CCDC91: variants seen among roughly 807,000 people sequenced by gnomAD.
CCDC91 encodes coiled-coil domain-containing protein 91.
A neutral mutation model predicts 63.2 loss-of-function variants in CCDC91; 48 were observed. That is an observed-to-expected ratio of 0.76 (90% CI 0.60 to 0.97). CCDC91 has a LOEUF of 0.97. CCDC91 is among the 50% of genes least tolerant of loss of function. CCDC91 has a pLI of 0.00. For synonymous variants in CCDC91, 167 were observed against 165.8 expected, an observed-to-expected ratio of 1.01 and a Z score of -0.06; for missense variants, 500 against 494.6, an observed-to-expected ratio of 1.01 and a Z score of -0.10.
chr12:28,268,449 C>T (rs1231572911), intron 3 of CCDC91, among the ~76,000 whole-genome samples: 1 of 152,056 alleles, frequency 6.6e-6, no homozygotes, highest in Non-Finnish European at 1.5e-5. Flanking sequence ...AATCTCATGA[C>T]CATCTGTACT....
chr12:28,248,408 G>T (rs957918548), intron 1 of CCDC91, among the ~76,000 whole-genome samples: 2 of 152,184 alleles, frequency 1.3e-5, no homozygotes, highest in Non-Finnish European at 2.9e-5. Context: ...ATGTGAATGA[G>T]ATAGTCCAGG....
chr12:28,411,897 T>A (rs1332695412), intron 8 of CCDC91, among the ~76,000 whole-genome samples: 1 of 152,104 alleles, frequency 6.6e-6, no homozygotes, highest in Admixed American at 6.5e-5. Flanking sequence ...GAAGAAGGCA[T>A]CACACCATTC....
At chr12:28,222,291 G>A (rs1943998394) in intron 1 of CCDC91, among the ~76,000 whole-genome samples, 1 of 150,648 alleles carries the variant, frequency 6.6e-6, no homozygotes, top group Non-Finnish European at 1.5e-5. Flanking sequence ...AACCACAGGG[G>A]TGGCGGTGGT....
At chr12:28,402,252 G>A (rs1025093607) in intron 8 of CCDC91, among the ~76,000 whole-genome samples, 2 of 152,118 alleles carry the variant, frequency 1.3e-5, no homozygotes, top group African/African-American at 4.8e-5. Flanking sequence ...ACAATATTGA[G>A]TTTTCTTATC....
intron 6 of CCDC91, among the ~76,000 whole-genome samples, chr12:28,309,555 C>T (rs1178288555): frequency 2.0e-5 from 3 of 151,962 alleles, no homozygotes; most frequent in Non-Finnish European, 4.4e-5. Flanking sequence ...TAACCAGTTT[C>T]GTCTCTAACC....
At chr12:28,476,196 A>T (rs1951079160) in intron 11 of CCDC91, among the ~76,000 whole-genome samples, 1 of 152,062 alleles carries the variant, frequency 6.6e-6, no homozygotes, top group South Asian at 2.1e-4. Flanking sequence ...CACTGCACTT[A>T]CTCCAAAATT....
chr12:28,315,885 T>A (rs1939810364), intron 6 of CCDC91, among the ~76,000 whole-genome samples: 1 of 151,876 alleles, frequency 6.6e-6, no homozygotes, highest in Non-Finnish European at 1.5e-5. Flanking sequence ...TCTCCTTCCT[T>A]CTGTCTCATT....
chr12:28,519,638 TATACATGTGCC>T (rs1940369431), intron 12 of CCDC91, among the ~76,000 whole-genome samples: 1 of 151,960 alleles, frequency 6.6e-6, no homozygotes, highest in Admixed American at 6.6e-5. Flanking sequence ...GTTACATATG[TATACATGTGCC>T]ATGTTGGTGT....
At chr12:28,259,470 T>C in intron 3 of CCDC91, 28 bp downstream of exon 3, 1 of 1,421,956 alleles carries the variant, frequency 7.0e-7, no homozygotes. Flanking sequence ...TTAGGGTTTT[T>C]TTTTTTTTTT....
intron 1 of CCDC91, among the ~76,000 whole-genome samples, chr12:28,240,588 A>C (rs1450682189): frequency 1.3e-5 from 2 of 152,128 alleles, no homozygotes; most frequent in African/African-American, 2.4e-5. Context: ...ACACGTTTAA[A>C]GTTTTTTTTA....
intron 12 of CCDC91, among the ~76,000 whole-genome samples, chr12:28,541,858 T>C (rs1011389564): frequency 6.6e-6 from 1 of 152,108 alleles, no homozygotes; most frequent in Admixed American, 6.6e-5. Flanking sequence ...TTATTTACCA[T>C]TGAACTCTAT....
intron 12 of CCDC91, among the ~76,000 whole-genome samples, chr12:28,521,846 A>G (rs1456845837): frequency 6.6e-6 from 1 of 151,924 alleles, no homozygotes; most frequent in Non-Finnish European, 1.5e-5. Flanking sequence ...GGTTTTTGTC[A>G]TTGGTTCTGT....
intron 12 of CCDC91, among the ~76,000 whole-genome samples, chr12:28,536,694 A>T (rs1196820816): frequency 6.6e-6 from 1 of 152,162 alleles, no homozygotes; most frequent in Non-Finnish European, 1.5e-5. Context: ...ACTGCTTGGG[A>T]TATAAGAAGT....
intron 8 of CCDC91, among the ~76,000 whole-genome samples, chr12:28,409,336 G>A (rs1947169240): frequency 6.6e-6 from 1 of 151,950 alleles, no homozygotes; most frequent in Non-Finnish European, 1.5e-5. Context: ...TTTGTGTTAA[G>A]TATAAGTGTG....
chr12:28,280,436 A>G (rs551056264), intron 3 of CCDC91, among the ~76,000 whole-genome samples: 1 of 152,222 alleles, frequency 6.6e-6, no homozygotes, highest in South Asian at 2.1e-4. Flanking sequence ...CTGCATTTAC[A>G]ACATGACACT....
intron 3 of CCDC91, among the ~76,000 whole-genome samples, chr12:28,279,780 T>C (rs1481366917): frequency 6.6e-6 from 1 of 152,056 alleles, no homozygotes; most frequent in African/African-American, 2.4e-5. Flanking sequence ...GAATATTACA[T>C]GAAAAAATGC....
At chr12:28,246,283 AG>A (rs1565666104) in intron 1 of CCDC91, among the ~76,000 whole-genome samples, 1 of 152,158 alleles carries the variant, frequency 6.6e-6, no homozygotes, top group Non-Finnish European at 1.5e-5. Flanking sequence ...AGTCCAGATA[AG>A]CACAGGGAAG....
intron 12 of CCDC91, among the ~76,000 whole-genome samples, chr12:28,517,999 G>A (rs371767927): frequency 4.6e-5 from 7 of 152,016 alleles, no homozygotes; most frequent in East Asian, 3.9e-4. Flanking sequence ...GTATTCTATC[G>A]TGTATGTAGA....
intron 3 of CCDC91, among the ~76,000 whole-genome samples, chr12:28,288,960 T>C (rs138461516): frequency 6.6e-6 from 1 of 152,340 alleles, no homozygotes; most frequent in East Asian, 1.9e-4. Context: ...ATTTTCTAGT[T>C]TGCATGCATG....
Sources: gnomAD v4.1 joint callset for allele counts (sites outside exome capture counted in the v4.1 genomes callset) on GRCh38, gnomAD v4.1.1 for gene constraint, MANE v1.5 for transcripts, NCBI Gene and HGNC (gene_info 2026-07-23, HGNC 2026-07-21) for gene names.